PCDHA5: variants seen among roughly 807,000 people sequenced by gnomAD.
PCDHA5 encodes the protein protocadherin alpha 5.
In PCDHA5, 43 loss-of-function variants were observed where a neutral mutation model predicts 61.6. That is an observed-to-expected ratio of 0.70 (90% CI 0.55 to 0.90). The LOEUF (loss-of-function observed/expected upper bound fraction) is 0.90. PCDHA5 is among the 40% of genes least tolerant of loss of function. PCDHA5 has a pLI of 0.00. For missense variants in PCDHA5, 1,298 were observed against 1,222.7 expected, an observed-to-expected ratio of 1.06 and a Z score of -0.92; for synonymous variants, 627 against 543.9, an observed-to-expected ratio of 1.15 and a Z score of -2.13.
At chr5:140,968,187 A>G in intron 1 of PCDHA5, 3 of 1,614,064 alleles carry the variant, frequency 1.9e-6, no homozygotes, top group Non-Finnish European at 2.5e-6. Context: ...GAGGACTCCT[A>G]TTCCATCTAC....
At chr5:140,911,620 C>T (rs2075566183) in intron 1 of PCDHA5, among the ~76,000 whole-genome samples, 1 of 152,146 alleles carries the variant, frequency 6.6e-6, no homozygotes, top group Non-Finnish European at 1.5e-5. Context: ...CTTAGTTCCC[C>T]ACATATGGTC....
Position 140,823,023 on chromosome 5 carries a change from C to A in PCDHA5, c.1248C>A (p.Ser416Arg), listed in dbSNP as rs148202782. ...LVLDSALDRE[S>R]VSVYELVVTA... is the part of the protein sequence containing the mutation. Reference sequence around the variant, plus strand: ...TGGACAGCGCCCTGGACCGCGAGAGCGTGTCGGTCTATGAGCTGGTGGTGA... The same window carrying A: ...TGGACAGCGCCCTGGACCGCGAGAGAGTGTCGGTCTATGAGCTGGTGGTGA... Residue 416 changes from serine (S) to arginine (R), a missense_variant, in exon 1 of 4, where the codon AGC becomes AGA. Ser to Arg is a moderately radical substitution (Grantham distance 110, BLOSUM62 -1). Coordinates refer to ENST00000529859, the MANE Select transcript of PCDHA5 (RefSeq NM_018908.3). 5 of 1,614,108 alleles carry A rather than the reference C, an allele frequency of 3.1e-6. No individual in the cohort carries two copies. The highest frequency in any genetic ancestry group is 1.6e-4 in the Middle Eastern group (1 of 6,080).
At position 140,892,638 on chromosome 5, in the gene PCDHA5, T is replaced by C. The variant is rs151070567; in HGVS notation, c.2352+68511T>C. Among the ~76,000 whole-genome samples the C allele has an allele frequency of 1.2e-4, 19 of 152,324 alleles. No homozygotes were observed. The East Asian group carries it at 2.5e-3, about 20-fold the overall frequency. ...CCAGTTGGTACATAATAATTGTACA[T>C]ATTTATAGGATACAGAGTGACATTT... is the stretch of plus-strand genomic sequence containing the variant. On this transcript the variant is annotated intron_variant, in intron 1 of 3. Transcript: ENST00000529859.
At chr5:140,851,653 A>G (rs1438249700) in intron 1 of PCDHA5, 1 of 911,018 alleles carries the variant, frequency 1.1e-6, no homozygotes, top group Non-Finnish European at 1.3e-6. Flanking sequence ...TCAAGAAGAC[A>G]TTCTCCTTTT....
At chr5:140,876,173 A>T (rs369965805) in intron 1 of PCDHA5, 66 of 1,613,862 alleles carry the variant, frequency 4.1e-5, no homozygotes, top group Middle Eastern at 1.6e-4. Context: ...ACCGTCCTGG[A>T]TGTGAATGAC....
At chr5:140,863,259 G>T in intron 1 of PCDHA5, 1 of 1,448,654 alleles carries the variant, frequency 6.9e-7, no homozygotes. Context: ...TCGAGGTCCG[G>T]GAGGCAGCGC....
chr5:140,889,497 A>G (rs1024054854), intron 1 of PCDHA5, among the ~76,000 whole-genome samples: 1 of 152,188 alleles, frequency 6.6e-6, no homozygotes, highest in South Asian at 2.1e-4. Flanking sequence ...ATCTATAGTG[A>G]TATTTCCCTT....
intron 1 of PCDHA5, among the ~76,000 whole-genome samples, chr5:140,838,972 A>G (rs1775978253): frequency 6.6e-6 from 1 of 151,966 alleles, no homozygotes; most frequent in African/African-American, 2.4e-5. Flanking sequence ...AGAACTGACA[A>G]TTTTCACTGT....
chr5:140,850,523 A>G (rs2150487907), intron 1 of PCDHA5: 1 of 1,598,226 alleles, frequency 6.3e-7, no homozygotes, highest in Non-Finnish European at 8.6e-7. Flanking sequence ...GCCAGGCGCC[A>G]AAGTCATCGT....
rs2098420479 is a variant in PCDHA5, at chr5:141,011,408, T to TAC, written c.*1472_*1473insCA. 6.5e-6 allele frequency: 1 copy of TAC among 153,814 alleles called. No individual in the cohort carries two copies. The highest frequency in any genetic ancestry group is 2.4e-5 in the African/African-American group (1 of 41,476). 9.5% of individuals were successfully genotyped at this position (153,814 alleles called of 1,614,324 possible). ...GAAATATACTTACTCTGTGCTTGTG[T>TAC]ATGTGAATGTTAATGCAACTATTAC... On this transcript the variant is annotated 3_prime_UTR_variant, in exon 4 of 4. Coordinates refer to ENST00000529859, the MANE Select transcript of PCDHA5 (RefSeq NM_018908.3).
chr5:140,976,414 G>A (rs1242756697), intron 1 of PCDHA5, among the ~76,000 whole-genome samples: 2 of 151,998 alleles, frequency 1.3e-5, no homozygotes, highest in African/African-American at 2.4e-5. Context: ...AGCCAGGTAC[G>A]GTGGCAGATG....
intron 1 of PCDHA5, among the ~76,000 whole-genome samples, chr5:140,955,267 T>C (rs1189039296): frequency 6.6e-6 from 1 of 152,140 alleles, no homozygotes; most frequent in Non-Finnish European, 1.5e-5. Context: ...AGGCTCTTTT[T>C]TGGTTCCATA....
intron 1 of PCDHA5, chr5:140,858,416 G>A (rs1301119075): frequency 6.4e-7 from 1 of 1,560,804 alleles, no homozygotes; most frequent in African/African-American, 1.4e-5. Context: ...TCAGTCTATT[G>A]GAGGGGACCA....
chr5:140,856,991 T>C, intron 1 of PCDHA5: 1 of 1,595,770 alleles, frequency 6.3e-7, no homozygotes, highest in Non-Finnish European at 8.6e-7. Flanking sequence ...CAGTAACACT[T>C]ATGAAATTCA....
intron 1 of PCDHA5, chr5:140,875,547 G>C (rs558501431): frequency 1.2e-6 from 2 of 1,614,152 alleles, no homozygotes; most frequent in Admixed American, 1.7e-5. Context: ...CAGCCTGGGA[G>C]GTGGGGAGCG....
chr5:140,875,198 G>T (rs782209612), intron 1 of PCDHA5: 16 of 552,110 alleles, frequency 2.9e-5, no homozygotes, highest in Non-Finnish European at 4.5e-5. Flanking sequence ...GACCCAGGAA[G>T]TGGCTAAACC....
Position 140,875,145 on chromosome 5 carries a change from T to A in PCDHA5, c.2352+51018T>A, listed in dbSNP as rs191347942. On this transcript the variant is annotated intron_variant, in intron 1 of 3. Coordinates refer to ENST00000529859, the MANE Select transcript of PCDHA5 (RefSeq NM_018908.3). ...TAACTAAACCCGCATTTATAAATGA[T>A]CCGTGAAAAATAACCCAAAGTCGAA... Among the ~76,000 whole-genome samples the A allele has an allele frequency of 3.1e-3, 468 of 152,306 alleles. 3 individuals are homozygous for A. The highest frequency in any genetic ancestry group is 0.014 in the Middle Eastern group (4 of 294).
At chr5:140,976,794 A>T (rs1199342082) in intron 1 of PCDHA5, among the ~76,000 whole-genome samples, 1 of 152,230 alleles carries the variant, frequency 6.6e-6, no homozygotes, top group East Asian at 1.9e-4. Context: ...CTACGCTTTT[A>T]TGAATATCTG....
intron 1 of PCDHA5, among the ~76,000 whole-genome samples, chr5:140,941,764 A>T (rs116374830): frequency 2.0e-5 from 3 of 152,190 alleles, no homozygotes. Flanking sequence ...TGCTTTTAAG[A>T]TAATTGTTTT....
Sources: allele counts gnomAD v4.1 joint callset (sites outside exome capture counted in the v4.1 genomes callset), GRCh38; gene constraint gnomAD v4.1.1; transcripts MANE v1.5; gene names NCBI Gene and HGNC (gene_info 2026-07-23, HGNC 2026-07-21).